LRRTM4: variants seen among roughly 807,000 people sequenced by gnomAD.
The protein encoded by LRRTM4 is leucine rich repeat transmembrane neuronal 4.
A neutral mutation model predicts 47.6 loss-of-function variants in LRRTM4; 25 were observed. The observed-to-expected ratio is 0.53, with a 90% confidence interval of 0.38 to 0.73. The LOEUF is 0.73. Ranked by LOEUF, LRRTM4 falls within the 30% of genes least tolerant of loss-of-function variation. The pLI is 0.00. For synonymous variants in LRRTM4, 311 were observed against 269.5 expected, an observed-to-expected ratio of 1.15 and a Z score of -1.51; for missense variants, 638 against 713.4, an observed-to-expected ratio of 0.89 and a Z score of 1.20.
chr2:77,457,004 GTATATATATATATATATATATATA>G (rs1171771344), intron 3 of LRRTM4, among the ~76,000 whole-genome samples: 5 of 23,186 alleles, frequency 2.2e-4, no homozygotes, highest in South Asian at 1.0e-3. Context: ...GTGTGTGTGT[GTATATATATATATATATATATATA>G]TATATATATA....
At chr2:76,794,145 G>C (rs955995914) in intron 3 of LRRTM4, among the ~76,000 whole-genome samples, 1 of 151,356 alleles carries the variant, frequency 6.6e-6, no homozygotes, top group Non-Finnish European at 1.5e-5. Context: ...TTGATGAGCA[G>C]TTCATATGTA....
chr2:77,094,895 C>T (rs539252929), intron 3 of LRRTM4, among the ~76,000 whole-genome samples: 1 of 152,088 alleles, frequency 6.6e-6, no homozygotes, highest in Admixed American at 6.5e-5. Context: ...AATGTGACCC[C>T]AAAAGCACAA....
chr2:77,223,837 T>A (rs997085645), intron 3 of LRRTM4, among the ~76,000 whole-genome samples: 5 of 152,280 alleles, frequency 3.3e-5, no homozygotes, highest in African/African-American at 1.2e-4. Flanking sequence ...AATGACTTTC[T>A]TTACAGAATT....
intron 3 of LRRTM4, among the ~76,000 whole-genome samples, chr2:77,120,004 CTG>C (rs1385831284): frequency 6.6e-6 from 1 of 151,820 alleles, no homozygotes; most frequent in Non-Finnish European, 1.5e-5. Context: ...CTCGTGGAAA[CTG>C]TGCTACTGGT....
intron 3 of LRRTM4, among the ~76,000 whole-genome samples, chr2:76,787,456 C>CCATT (rs2104187346): frequency 6.6e-6 from 1 of 152,114 alleles, no homozygotes; most frequent in East Asian, 1.9e-4. Flanking sequence ...GATGGTAAGC[C>CCATT]CATTGTCTAC....
chr2:77,218,502 CTTTATTTATTTA>C lies in LRRTM4; in HGVS notation c.1551+299804_1551+299815del, dbSNP rs10607132. Among the ~76,000 whole-genome samples, 247 of 146,126 alleles carry C rather than the reference CTTTATTTATTTA, an allele frequency of 1.7e-3. 1 individual carries two copies. The highest frequency in any genetic ancestry group is 4.8e-3 in the East Asian group (24 of 4,952). On this transcript the variant is annotated intron_variant, in intron 3 of 3. Transcript: ENST00000409884. Reference sequence around the variant, plus strand: ...CCATATACTTCCACTCCATGTTCTGCTTTATTTATTTATTTATTTATTTATTTATTTATTTAT... The same window carrying C: ...CCATATACTTCCACTCCATGTTCTGCTTTATTTATTTATTTATTTATTTAT...
chr2:77,003,584 CATG>C lies in LRRTM4; in HGVS notation c.1552-254671_1552-254669del, dbSNP rs201055376. Among the ~76,000 whole-genome samples the C allele has an allele frequency of 3.1e-3, 475 of 152,258 alleles. 6 individuals carry two copies. In the East Asian group the frequency reaches 0.051, roughly 16 times the overall value. On this transcript the variant is annotated intron_variant, in intron 3 of 3. Coordinates refer to ENST00000409884, the MANE Select transcript of LRRTM4 (RefSeq NM_001134745.3). ...ACTTTGATCCTCATTTGCCTTCTAC[CATG>C]ATTGTGAGGCCTTTCTTGCCATGTA...
chr2:77,402,311 G>A (rs573627834), intron 3 of LRRTM4, among the ~76,000 whole-genome samples: 1 of 151,828 alleles, frequency 6.6e-6, no homozygotes, highest in African/African-American at 2.4e-5. Flanking sequence ...ATACCTGATT[G>A]GTTTTTGAAA....
At chr2:76,941,422 G>A (rs112796007) in intron 3 of LRRTM4, among the ~76,000 whole-genome samples, 3,143 of 152,022 alleles carry the variant, frequency 0.021, 94 homozygotes, top group African/African-American at 0.067. Flanking sequence ...CCATCAGCCC[G>A]TCATCTACAT....
chr2:77,044,933 A>ATG (rs970474543), intron 3 of LRRTM4, among the ~76,000 whole-genome samples: 1 of 151,634 alleles, frequency 6.6e-6, no homozygotes, highest in East Asian at 1.9e-4. Flanking sequence ...ATATGTGTAT[A>ATG]TGTGTGTGTG....
At chr2:77,335,534 A>T (rs1017821721) in intron 3 of LRRTM4, among the ~76,000 whole-genome samples, 4 of 152,210 alleles carry the variant, frequency 2.6e-5, no homozygotes, top group Non-Finnish European at 5.9e-5. Context: ...GCCCATGTGT[A>T]TCTTACTATT....
intron 3 of LRRTM4, among the ~76,000 whole-genome samples, chr2:77,417,456 G>A (rs62162576): frequency 0.13 from 20,222 of 151,920 alleles, 2,007 homozygotes; most frequent in African/African-American, 0.28. Flanking sequence ...TGTTTATTGC[G>A]ACACTATTCA....
chr2:77,322,137 A>C (rs2104228765), intron 3 of LRRTM4, among the ~76,000 whole-genome samples: 1 of 152,260 alleles, frequency 6.6e-6, no homozygotes, highest in East Asian at 1.9e-4. Flanking sequence ...TTGTCATTTG[A>C]GTTCAAGTTC....
intron 3 of LRRTM4, among the ~76,000 whole-genome samples, chr2:77,051,146 C>T (rs903585344): frequency 6.6e-6 from 1 of 151,692 alleles, no homozygotes; most frequent in Non-Finnish European, 1.5e-5. Context: ...GGAGGGGCTG[C>T]TATTGTCATC....
At position 77,426,194 on chromosome 2, in the gene LRRTM4, T is replaced by C. The variant is rs115627966; in HGVS notation, c.1551+92124A>G. Among the ~76,000 whole-genome samples the C allele has an allele frequency of 2.5e-3, 377 of 152,164 alleles. 1 individual carries two copies. The highest frequency in any genetic ancestry group is 8.7e-3 in the African/African-American group (362 of 41,530). On this transcript the variant is annotated intron_variant, in intron 3 of 3. Coordinates refer to ENST00000409884, the MANE Select transcript of LRRTM4 (RefSeq NM_001134745.3). ...GATTAATCAAAAATTCTCTTGAATC[T>C]ACTTGTTAAATGCTACTCAAGCTCA... is the stretch of plus-strand genomic sequence containing the variant.
Position 77,522,204 on chromosome 2 carries a change from G to C in LRRTM4, c.-243C>G. The C allele has an allele frequency of 2.9e-6, 2 of 698,158 alleles. No individual in the cohort carries two copies. Among genetic ancestry groups the C allele is most frequent in the Non-Finnish European group, 5.3e-6 (2 of 376,480 alleles). 43.2% of individuals were successfully genotyped at this position (698,158 alleles called of 1,614,324 possible). A position where few individuals can be genotyped will look rare whatever the true frequency, so the allele number is the denominator to read the frequency against. ...TTGAAGCAAGTAGGCCTCCTGTGCT[G>C]TATGAGACCCCAGTTTAAAAGCTAT... On this transcript the variant is annotated 5_prime_UTR_variant, in exon 1 of 4. Transcript: ENST00000409884.
intron 3 of LRRTM4, among the ~76,000 whole-genome samples, chr2:76,875,835 T>A (rs900008366): frequency 6.6e-6 from 1 of 152,142 alleles, no homozygotes; most frequent in East Asian, 1.9e-4. Context: ...TTCAAAGGCA[T>A]CAATGTGTTG....
intron 3 of LRRTM4, among the ~76,000 whole-genome samples, chr2:76,939,754 T>A (rs1296104016): frequency 2.0e-5 from 3 of 152,148 alleles, no homozygotes; most frequent in African/African-American, 7.2e-5. Context: ...TTAAGTGATA[T>A]CCTTTTGGCA....
intron 3 of LRRTM4, among the ~76,000 whole-genome samples, chr2:76,796,052 A>C (rs1675296409): frequency 8.5e-6 from 1 of 117,270 alleles, no homozygotes; most frequent in Non-Finnish European, 1.6e-5. Flanking sequence ...GAAAGGGGTG[A>C]TGTACTGCAC....
Sources: gnomAD v4.1 joint callset for allele counts (sites outside exome capture counted in the v4.1 genomes callset) on GRCh38, gnomAD v4.1.1 for gene constraint, MANE v1.5 for transcripts, NCBI Gene and HGNC (gene_info 2026-07-23, HGNC 2026-07-21) for gene names.